PRKN: variants seen among roughly 807,000 people sequenced by gnomAD.
The protein encoded by PRKN is E3 ubiquitin-protein ligase parkin.
In PRKN, 56 loss-of-function variants were observed where a neutral mutation model predicts 59.5. The ratio of observed to expected loss-of-function variants is 0.94; its 90% confidence interval spans 0.76 to 1.18. The LOEUF (loss-of-function observed/expected upper bound fraction) is 1.18, where lower values mean the gene tolerates loss of function less well. PRKN is among the 50% of genes most tolerant of loss of function. The probability of loss-of-function intolerance (pLI) is 0.00; values close to 1 mark genes in which losing one functional copy is unlikely to be tolerated. For missense variants in PRKN, 657 were observed against 596.4 expected, an observed-to-expected ratio of 1.10 and a Z score of -1.06; for synonymous variants, 250 against 222.1, an observed-to-expected ratio of 1.13 and a Z score of -1.12.
intron 1 of PRKN, among the ~76,000 whole-genome samples, chr6:162,686,376 C>A (rs115070186): frequency 0.015 from 2,214 of 152,174 alleles, 63 homozygotes; most frequent in African/African-American, 0.051. Context: ...ATGTCCACAC[C>A]AGAGGTGGGT....
intron 5 of PRKN, among the ~76,000 whole-genome samples, chr6:162,037,379 T>C (rs1783887792): frequency 1.3e-5 from 2 of 152,200 alleles, no homozygotes; most frequent in Non-Finnish European, 2.9e-5. Context: ...ATGCAAGTTA[T>C]AAAATAATAC....
At chr6:162,702,499 CTACT>C (rs1219368343) in intron 1 of PRKN, among the ~76,000 whole-genome samples, 1 of 152,148 alleles carries the variant, frequency 6.6e-6, no homozygotes, top group Non-Finnish European at 1.5e-5. Flanking sequence ...CCCTCCCTAC[CTACT>C]ATCTTGATTC....
Position 161,396,153 on chromosome 6 carries a change from C to G in PRKN, c.1084-9276G>C, listed in dbSNP as rs73606925. Among the ~76,000 whole-genome samples, 2 of 152,168 alleles carry G rather than the reference C, an allele frequency of 1.3e-5. No individual in the cohort carries two copies. Among genetic ancestry groups the G allele is most frequent in the Admixed American group, 1.3e-4 (2 of 15,280 alleles). On this transcript the variant is annotated intron_variant, in intron 9 of 11. Transcript: ENST00000366898. The surrounding 1 kb of genome is among the most constrained non-coding windows in gnomAD (Gnocchi z 5.4). ...TCCCCCGCCTCTTTTCTTACTTTCT[C>G]TTTACTGTAACCATTTCTGAAAACA... is the stretch of plus-strand genomic sequence containing the variant.
intron 5 of PRKN, among the ~76,000 whole-genome samples, chr6:162,010,183 T>G (rs572288227): frequency 7.0e-6 from 1 of 142,886 alleles, no homozygotes; most frequent in Non-Finnish European, 1.5e-5. Flanking sequence ...TCAATCAATT[T>G]GCTTTGGAAC....
chr6:162,533,343 G>A (rs1182525640), intron 1 of PRKN, among the ~76,000 whole-genome samples: 2 of 152,246 alleles, frequency 1.3e-5, no homozygotes, highest in South Asian at 4.1e-4. Flanking sequence ...GGCTGACATA[G>A]TGAAACCCTG....
chr6:161,844,621 C>T (rs1001021408), intron 6 of PRKN, among the ~76,000 whole-genome samples: 5 of 152,250 alleles, frequency 3.3e-5, no homozygotes, highest in African/African-American at 1.2e-4. Flanking sequence ...ATTTAAAGAG[C>T]TACATGCTGC....
chr6:161,676,569 G>A (rs896728882), intron 7 of PRKN, among the ~76,000 whole-genome samples: 9 of 152,194 alleles, frequency 5.9e-5, no homozygotes, highest in African/African-American at 1.7e-4. Flanking sequence ...TCACTCATTC[G>A]TTCATGGACT....
Position 161,359,784 on chromosome 6 carries a change from T to TC in PRKN, c.1285+303dup, listed in dbSNP as rs1784905592. On this transcript the variant is annotated intron_variant, in intron 11 of 11. Coordinates refer to ENST00000366898, the MANE Select transcript of PRKN (RefSeq NM_004562.3). The surrounding 1 kb of genome is among the most constrained non-coding windows in gnomAD (Gnocchi z 5.4). Reference sequence around the variant, plus strand: ...GGAGGACAGAAAAACCACAGCTGCCTCCTGACTGCCACTTATCCTCAACCA... The same window carrying TC: ...GGAGGACAGAAAAACCACAGCTGCCTCCCTGACTGCCACTTATCCTCAACCA... Among the ~76,000 whole-genome samples, 1 of 152,312 alleles carries TC rather than the reference T, an allele frequency of 6.6e-6. No individual in the cohort carries two copies. The highest frequency in any genetic ancestry group is 1.5e-5 in the Non-Finnish European group (1 of 68,022).
At chr6:162,703,788 T>C (rs1778242591) in intron 1 of PRKN, among the ~76,000 whole-genome samples, 1 of 152,190 alleles carries the variant, frequency 6.6e-6, no homozygotes, top group Admixed American at 6.5e-5. Flanking sequence ...TTGGCAAATA[T>C]ATTTCCATGT....
At chr6:161,425,460 C>T (rs889551666) in intron 9 of PRKN, among the ~76,000 whole-genome samples, 3 of 152,156 alleles carry the variant, frequency 2.0e-5, no homozygotes, top group African/African-American at 7.2e-5. Flanking sequence ...TGACTTATTT[C>T]AGAGGCAACA....
rs1789870628 is a variant in PRKN, at chr6:161,454,263, T to G, written c.1084-67386A>C. On this transcript the variant is annotated intron_variant, in intron 9 of 11. Coordinates refer to ENST00000366898, the MANE Select transcript of PRKN (RefSeq NM_004562.3). This position sits in a 1 kb window ranked among gnomAD's most constrained non-coding sequence, Gnocchi z 4.6. ...ACTGACGGCACATAGCCTGTGTCTT[T>G]TGAGCTCACTTTCCATGTTATCCTA... is the stretch of plus-strand genomic sequence containing the variant. Among the ~76,000 whole-genome samples, 1 of 152,192 alleles carries G rather than the reference T, an allele frequency of 6.6e-6. No homozygotes were observed. The highest frequency in any genetic ancestry group is 2.4e-5 in the African/African-American group (1 of 41,450).
intron 6 of PRKN, among the ~76,000 whole-genome samples, chr6:161,855,928 T>C (rs1793632542): frequency 6.6e-6 from 1 of 152,198 alleles, no homozygotes; most frequent in African/African-American, 2.4e-5. Flanking sequence ...AAGAATAGTT[T>C]AACATCAGAA....
chr6:162,417,766 G>T (rs1400114900), intron 2 of PRKN, among the ~76,000 whole-genome samples: 2 of 152,168 alleles, frequency 1.3e-5, no homozygotes, highest in African/African-American at 4.8e-5. Flanking sequence ...GTGTTTACGG[G>T]TCTTCTGTTG....
intron 7 of PRKN, among the ~76,000 whole-genome samples, chr6:161,749,920 T>G (rs967530481): frequency 6.6e-5 from 10 of 152,116 alleles, no homozygotes; most frequent in African/African-American, 2.4e-4. Flanking sequence ...ATTTTATCCT[T>G]TGTAAAAGCC....
chr6:161,384,076 T>G (rs1041104200), intron 10 of PRKN, among the ~76,000 whole-genome samples: 1 of 152,158 alleles, frequency 6.6e-6, no homozygotes, highest in Non-Finnish European at 1.5e-5. Context: ...GGGATGACCC[T>G]GATGTGGATT....
At position 161,409,781 on chromosome 6, in the gene PRKN, C is replaced by T. The variant is rs761099256; in HGVS notation, c.1084-22904G>A. ...CCCTTCAGCACCGGCCTGAAGAAAGCGCAGGCCCAGTGGCAGTCTGCCTTC... is the reference window on the plus strand; with the variant it reads ...CCCTTCAGCACCGGCCTGAAGAAAGTGCAGGCCCAGTGGCAGTCTGCCTTC... On this transcript the variant is annotated intron_variant, in intron 9 of 11. Coordinates refer to ENST00000366898, the MANE Select transcript of PRKN (RefSeq NM_004562.3). This position sits in a 1 kb window ranked among gnomAD's most constrained non-coding sequence, Gnocchi z 4.6. Among the ~76,000 whole-genome samples the T allele has an allele frequency of 3.3e-5, 5 of 152,174 alleles. No individual in the cohort carries two copies. Among genetic ancestry groups the T allele is most frequent in the Admixed American group, 6.5e-5 (1 of 15,280 alleles).
intron 1 of PRKN, among the ~76,000 whole-genome samples, chr6:162,555,796 G>A (rs1428772364): frequency 6.6e-6 from 1 of 151,930 alleles, no homozygotes; most frequent in Non-Finnish European, 1.5e-5. Flanking sequence ...CTTGAGGCCA[G>A]CCTGGCCAAC....
Position 161,369,656 on chromosome 6 carries a change from C to T in PRKN, c.1168-9451G>A, listed in dbSNP as rs1037669329. ...CGTGGCAGGAGGAATTGCATGCATG[C>T]ATGTGTGTACGCACGCGTGGTGGAG... On this transcript the variant is annotated intron_variant, in intron 10 of 11. Transcript: ENST00000366898. The surrounding 1 kb of genome is among the most constrained non-coding windows in gnomAD (Gnocchi z 5.8). Among the ~76,000 whole-genome samples the T allele has an allele frequency of 6.6e-6, 1 of 152,050 alleles. No individual in the cohort carries two copies. The highest frequency in any genetic ancestry group is 1.5e-5 in the Non-Finnish European group (1 of 68,016).
intron 7 of PRKN, among the ~76,000 whole-genome samples, chr6:161,777,875 CGT>C (rs1790021299): frequency 7.4e-6 from 1 of 135,170 alleles, no homozygotes; most frequent in African/African-American, 2.8e-5. Flanking sequence ...TATATGTATA[CGT>C]ATATATGTAT....
Sources: gnomAD v4.1 joint callset for allele counts (sites outside exome capture counted in the v4.1 genomes callset) on GRCh38, gnomAD v4.1.1 for gene constraint, Gnocchi (gnomAD v3.1) non-coding constraint, MANE v1.5 for transcripts, NCBI Gene and HGNC (gene_info 2026-07-23, HGNC 2026-07-21) for gene names.